The following PDLIM5 variants were observed in gnomAD, a reference collection of about 807,000 sequenced individuals.
The protein encoded by PDLIM5 is PDZ and LIM domain protein 5.
In PDLIM5, 34 loss-of-function variants were observed where a neutral mutation model predicts 64.2. The observed-to-expected ratio is 0.53, with a 90% CI of 0.40 to 0.71. PDLIM5 has a LOEUF of 0.71. PDLIM5 is among the 30% of genes least tolerant of loss of function. The probability of loss-of-function intolerance (pLI) is 0.00; values close to 1 mark genes in which losing one functional copy is unlikely to be tolerated. For synonymous variants in PDLIM5, 253 were observed against 269.1 expected (o/e 0.94, Z 0.59); for missense variants, 683 against 733.6 (o/e 0.93, Z 0.80).
intron 8 of PDLIM5, among the ~76,000 whole-genome samples, chr4:94,633,837 G>A (rs1740345758): frequency 6.6e-6 from 1 of 152,176 alleles, no homozygotes; most frequent in African/African-American, 2.4e-5. Flanking sequence ...GTGCTGTTTT[G>A]TATAGGATGG....
At chr4:94,578,240 G>A (rs904923864) in intron 5 of PDLIM5, among the ~76,000 whole-genome samples, 90 of 152,232 alleles carry the variant, frequency 5.9e-4, no homozygotes, top group African/African-American at 1.8e-3. Context: ...TATAAGCACA[G>A]CTTTGGTGAT....
At chr4:94,581,400 A>C (rs1735720792) in intron 5 of PDLIM5, among the ~76,000 whole-genome samples, 1 of 152,204 alleles carries the variant, frequency 6.6e-6, no homozygotes, top group Non-Finnish European at 1.5e-5. Context: ...AAAATGTTTA[A>C]ATATACATCT....
At chr4:94,461,208 T>C (rs1439915555) in intron 2 of PDLIM5, among the ~76,000 whole-genome samples, 2 of 152,232 alleles carry the variant, frequency 1.3e-5, no homozygotes, top group East Asian at 3.8e-4. Flanking sequence ...GTTTCAACTT[T>C]GGCAGATGAG....
intron 2 of PDLIM5, among the ~76,000 whole-genome samples, chr4:94,462,643 A>T (rs1272293428): frequency 6.6e-6 from 1 of 152,128 alleles, no homozygotes; most frequent in African/African-American, 2.4e-5. Flanking sequence ...ATATATGTGT[A>T]TATGTTTGTA....
intron 7 of PDLIM5, chr4:94,610,317 G>T (rs748573699): frequency 6.1e-6 from 9 of 1,486,198 alleles, no homozygotes; most frequent in African/African-American, 5.6e-5. Flanking sequence ...AGAACTACAC[G>T]TACAGCGTCT....
At chr4:94,454,832 T>C (rs1723185699) in intron 1 of PDLIM5, among the ~76,000 whole-genome samples, 1 of 152,198 alleles carries the variant, frequency 6.6e-6, no homozygotes, top group Non-Finnish European at 1.5e-5. Flanking sequence ...GTAAGTGCAG[T>C]TGAAAGACTC....
intron 3 of PDLIM5, among the ~76,000 whole-genome samples, chr4:94,526,775 A>G (rs369267164): frequency 4.7e-5 from 7 of 147,850 alleles, no homozygotes; most frequent in African/African-American, 1.8e-4. Context: ...TCTGTCGCCC[A>G]GGCTGGAGTG....
At chr4:94,612,886 A>T (rs1282659713) in intron 7 of PDLIM5, among the ~76,000 whole-genome samples, 1 of 151,268 alleles carries the variant, frequency 6.6e-6, no homozygotes, top group Non-Finnish European at 1.5e-5. Flanking sequence ...ATAGTATAAT[A>T]GTTTTTATTT....
chr4:94,625,462 T>C (rs1739590966), intron 8 of PDLIM5, among the ~76,000 whole-genome samples: 1 of 151,946 alleles, frequency 6.6e-6, no homozygotes, highest in Admixed American at 6.6e-5. Context: ...AGACTTTTTT[T>C]TTTTTTTTGA....
chr4:94,658,724 A>G (rs1285686566), intron 11 of PDLIM5, among the ~76,000 whole-genome samples: 2 of 152,214 alleles, frequency 1.3e-5, no homozygotes, highest in African/African-American at 4.8e-5. Flanking sequence ...CTTAGTTTAA[A>G]CCAACCTGGA....
At chr4:94,571,509 G>T (rs781170108) in intron 3 of PDLIM5, among the ~76,000 whole-genome samples, 1 of 152,126 alleles carries the variant, frequency 6.6e-6, no homozygotes, top group Admixed American at 6.6e-5. Context: ...GCACAAAGCC[G>T]TTGCCAAGAT....
chr4:94,599,239 A>G (rs1213816542), intron 7 of PDLIM5, among the ~76,000 whole-genome samples: 1 of 152,204 alleles, frequency 6.6e-6, no homozygotes, highest in Non-Finnish European at 1.5e-5. Flanking sequence ...CATAGTTCAG[A>G]TAAGCAATGT....
At chr4:94,465,383 A>G (rs1316554706) in intron 2 of PDLIM5, among the ~76,000 whole-genome samples, 1 of 151,858 alleles carries the variant, frequency 6.6e-6, no homozygotes, top group Non-Finnish European at 1.5e-5. Context: ...CCCCATGGGG[A>G]AGTGTGATTT....
intron 7 of PDLIM5, among the ~76,000 whole-genome samples, chr4:94,615,613 G>T (rs1738719168): frequency 6.6e-6 from 1 of 152,154 alleles, no homozygotes; most frequent in African/African-American, 2.4e-5. Context: ...GTAGATTGTA[G>T]CTTTATCTTA....
At chr4:94,507,514 T>A (rs373718613) in intron 2 of PDLIM5, among the ~76,000 whole-genome samples, 1 of 152,144 alleles carries the variant, frequency 6.6e-6, no homozygotes, top group African/African-American at 2.4e-5. Context: ...TATGTGCTCA[T>A]ATATATAAGG....
chr4:94,513,831 C>T (rs1222686158), intron 2 of PDLIM5, among the ~76,000 whole-genome samples: 1 of 152,082 alleles, frequency 6.6e-6, no homozygotes, highest in Non-Finnish European at 1.5e-5. Flanking sequence ...TTCAGTTTTT[C>T]CCCATTCAGT....
intron 2 of PDLIM5, among the ~76,000 whole-genome samples, chr4:94,520,678 G>A (rs1375384765): frequency 6.6e-6 from 1 of 152,144 alleles, no homozygotes; most frequent in African/African-American, 2.4e-5. Flanking sequence ...GTTTTTCTGT[G>A]TATTGGGCAT....
Position 94,664,351 on chromosome 4 carries a change from A to G in PDLIM5, c.*284A>G, listed in dbSNP as rs1349253039. The G allele has an allele frequency of 2.9e-6, 2 of 699,114 alleles. No homozygotes were observed. The highest frequency in any genetic ancestry group is 3.8e-5 in the African/African-American group (2 of 52,068). The allele number at this position is 699,114 out of a possible 1,614,324, so 43.3% of individuals were successfully genotyped here. A position where few individuals can be genotyped will look rare whatever the true frequency, so the allele number is the denominator to read the frequency against. On this transcript the variant is annotated 3_prime_UTR_variant, in exon 13 of 13. Transcript: ENST00000317968. Reference sequence around the variant, plus strand: ...GACTATTAAATTCATCTTAGAATAAATTAGTGAAGAATTTAATTTTAGAAT... The same window carrying G: ...GACTATTAAATTCATCTTAGAATAAGTTAGTGAAGAATTTAATTTTAGAAT...
chr4:94,469,732 C>T (rs1724681840), intron 2 of PDLIM5, among the ~76,000 whole-genome samples: 1 of 151,982 alleles, frequency 6.6e-6, no homozygotes, highest in Non-Finnish European at 1.5e-5. Flanking sequence ...TATCTCCAGG[C>T]TGGTATGTTT....
Sources: gnomAD v4.1 joint callset for allele counts (sites outside exome capture counted in the v4.1 genomes callset) on GRCh38, gnomAD v4.1.1 for gene constraint, MANE v1.5 for transcripts, NCBI Gene and HGNC (gene_info 2026-07-23, HGNC 2026-07-21) for gene names.